Variants in SHISA9 observed in about 807,000 individuals in gnomAD.
SHISA9 encodes shisa family member 9.
SHISA9 carries 13 observed loss-of-function variants against 38.0 expected under a neutral mutation model. That is an observed-to-expected ratio of 0.34 (90% CI 0.22 to 0.54). SHISA9 has a LOEUF of 0.54. Among genes scored for constraint, SHISA9 ranks in the 20% least tolerant of loss-of-function variants. The pLI is 0.91. For missense variants in SHISA9, 538 were observed against 575.8 expected (o/e 0.93, Z 0.67); for synonymous variants, 275 against 242.0 (o/e 1.14, Z -1.27).
At chr16:13,389,001 A>G in the SHISA9 span, among the ~76,000 whole-genome samples, 1 of 152,172 alleles carries the variant, frequency 6.6e-6, no homozygotes, top group African/African-American at 2.4e-5. Context: ...TCTGTCCTAT[A>G]CACGCATAGC....
chr16:12,942,864 G>A (rs2071629344), intron 2 of SHISA9, among the ~76,000 whole-genome samples: 1 of 152,058 alleles, frequency 6.6e-6, no homozygotes, highest in Admixed American at 6.6e-5. Flanking sequence ...GGAGTTTATT[G>A]GGACGTGTCT....
chr16:13,197,528 A>G (rs547920444), intron 2 of SHISA9: 1 of 150,866 alleles, frequency 6.6e-6, no homozygotes, highest in East Asian at 2.0e-4. Context: ...CAAGTCTGCC[A>G]GATGCTTCCA....
chr16:13,543,982 A>G, the SHISA9 span, among the ~76,000 whole-genome samples: 1 of 152,116 alleles, frequency 6.6e-6, no homozygotes, highest in Admixed American at 6.6e-5. Flanking sequence ...AACAAATAGA[A>G]ACCCAGAAGG....
chr16:13,419,822 G>A, the SHISA9 span, among the ~76,000 whole-genome samples: 1 of 152,184 alleles, frequency 6.6e-6, no homozygotes, highest in South Asian at 2.1e-4. Flanking sequence ...ACAAAGCCAG[G>A]TGGCAGGCTG....
chr16:13,030,229 A>G (rs2072974374), intron 2 of SHISA9, among the ~76,000 whole-genome samples: 1 of 152,246 alleles, frequency 6.6e-6, no homozygotes, highest in Non-Finnish European at 1.5e-5. Context: ...TCCTATTGCA[A>G]GAACCCCCCA....
the SHISA9 span, among the ~76,000 whole-genome samples, chr16:13,469,447 G>C: frequency 2.6e-5 from 4 of 151,432 alleles, no homozygotes; most frequent in Non-Finnish European, 5.9e-5. Flanking sequence ...GAAAGAAAGA[G>C]AAAGAACTGG....
chr16:13,010,886 A>G (rs2072664454), intron 2 of SHISA9, among the ~76,000 whole-genome samples: 1 of 152,236 alleles, frequency 6.6e-6, no homozygotes, highest in Non-Finnish European at 1.5e-5. Context: ...CAGGAAGCAG[A>G]GGTTGTAGTA....
the SHISA9 span, among the ~76,000 whole-genome samples, chr16:13,461,327 C>G: frequency 6.6e-6 from 1 of 152,148 alleles, no homozygotes; most frequent in African/African-American, 2.4e-5. Context: ...CACCTGTAAT[C>G]CCAGCACTTT....
chr16:13,045,513 C>G (rs1023309146), intron 2 of SHISA9, among the ~76,000 whole-genome samples: 14 of 151,788 alleles, frequency 9.2e-5, no homozygotes, highest in African/African-American at 3.4e-4. Flanking sequence ...TATTGAGCAT[C>G]TACTACATGC....
At chr16:13,180,352 C>T (rs1476553479) in intron 2 of SHISA9, among the ~76,000 whole-genome samples, 7 of 152,194 alleles carry the variant, frequency 4.6e-5, no homozygotes, top group Admixed American at 4.6e-4. Flanking sequence ...GTGCAGGACA[C>T]CTAACCCAGA....
chr16:13,248,813 A>G, the SHISA9 span, among the ~76,000 whole-genome samples: 1 of 152,182 alleles, frequency 6.6e-6, no homozygotes, highest in Non-Finnish European at 1.5e-5. Flanking sequence ...GAATTTTGGA[A>G]GAAACTGGTA....
intron 2 of SHISA9, among the ~76,000 whole-genome samples, chr16:13,111,455 A>G (rs1359597856): frequency 1.3e-5 from 2 of 152,042 alleles, no homozygotes; most frequent in African/African-American, 4.8e-5. Context: ...ATCATTGAAT[A>G]ATTTATTTAA....
intron 1 of SHISA9, chr16:12,909,399 T>A: frequency 2.0e-6 from 2 of 985,450 alleles, no homozygotes; most frequent in Non-Finnish European, 1.2e-6. Flanking sequence ...AGGAACTCTA[T>A]TCAAGTGTTT....
chr16:13,540,746 A>G, the SHISA9 span, among the ~76,000 whole-genome samples: 2 of 152,206 alleles, frequency 1.3e-5, no homozygotes, highest in Non-Finnish European at 2.9e-5. Context: ...AGTGAGAAAA[A>G]TGCATGTAAA....
intron 1 of SHISA9, chr16:12,908,417 A>T: frequency 1.3e-6 from 2 of 1,543,488 alleles, no homozygotes; most frequent in Non-Finnish European, 1.7e-6. Flanking sequence ...TGGTTTTGCA[A>T]TTTTGCCATA....
At chr16:13,015,880 TTCTTTCTTTCTTTCTTTCTTTC>T (rs1408403415) in intron 2 of SHISA9, among the ~76,000 whole-genome samples, 1 of 114,412 alleles carries the variant, frequency 8.7e-6, no homozygotes, top group African/African-American at 2.9e-5. Context: ...CTTTCTTTCT[TTCTTTCTTTCTTTCTTTCTTTC>T]TTTCTTTTCT....
At chr16:13,022,833 C>G (rs1200503391) in intron 2 of SHISA9, among the ~76,000 whole-genome samples, 1 of 151,914 alleles carries the variant, frequency 6.6e-6, no homozygotes, top group African/African-American at 2.4e-5. Flanking sequence ...AACTCCTGGG[C>G]TCAAGCAGTC....
chr16:13,017,250 C>A (rs574005734), intron 2 of SHISA9, among the ~76,000 whole-genome samples: 1 of 152,132 alleles, frequency 6.6e-6, no homozygotes, highest in African/African-American at 2.4e-5. Flanking sequence ...AAACTCCTGA[C>A]CTCAGGTGAT....
intron 1 of SHISA9, among the ~76,000 whole-genome samples, chr16:12,914,563 C>G (rs1477496150): frequency 6.6e-6 from 1 of 152,102 alleles, no homozygotes; most frequent in African/African-American, 2.4e-5. Context: ...GTCTTTTCCT[C>G]TCATTCATAT....
Sources: gnomAD v4.1 joint callset for allele counts (sites outside exome capture counted in the v4.1 genomes callset) on GRCh38, gnomAD v4.1.1 for gene constraint, MANE v1.5 for transcripts, NCBI Gene and HGNC (gene_info 2026-07-23, HGNC 2026-07-21) for gene names.